RBM20: variants seen among roughly 807,000 people sequenced by gnomAD.
RBM20 encodes the protein RNA-binding protein 20.
A neutral mutation model predicts 110.1 loss-of-function variants in RBM20; 51 were observed. That is an observed-to-expected ratio of 0.46 (90% CI 0.37 to 0.59). RBM20 has a LOEUF of 0.59. RBM20 is among the 20% of genes least tolerant of loss of function. The pLI, the probability that RBM20 is intolerant of heterozygous loss-of-function variation, is 0.00. For missense variants in RBM20, 1,512 were observed against 1,574.9 expected (o/e 0.96, Z 0.68); for synonymous variants, 589 against 618.2 (o/e 0.95, Z 0.70).
At chr10:110,832,762 G>T (rs4294509) in intron 13 of RBM20, among the ~76,000 whole-genome samples, 2 of 152,186 alleles carry the variant, frequency 1.3e-5, no homozygotes, top group Non-Finnish European at 2.9e-5. Context: ...GTGCAGAGAA[G>T]TATCATAGGC....
chr10:110,766,110 GTA>G (rs1491503068), intron 1 of RBM20, among the ~76,000 whole-genome samples: 2 of 149,122 alleles, frequency 1.3e-5, no homozygotes, highest in African/African-American at 4.9e-5. Context: ...GCAGTTTCAA[GTA>G]AAAAAAATCA....
intron 5 of RBM20, among the ~76,000 whole-genome samples, chr10:110,785,528 C>T (rs1269637661): frequency 2.0e-5 from 3 of 152,142 alleles, no homozygotes; most frequent in Admixed American, 6.5e-5. Flanking sequence ...TGCACTCCAG[C>T]GCAGGTGACA....
In RBM20 at chr10:110,746,394, A is replaced by T. The variant is rs12413232; in HGVS notation, c.192-34407A>T. ...ATATTTAATCCACTGTAGAGTGGTT[A>T]TTCTCATTACGAAACATTCTTTATT... On this transcript the variant is annotated intron_variant, in intron 1 of 13. Coordinates refer to ENST00000369519, the MANE Select transcript of RBM20 (RefSeq NM_001134363.3). 9.2e-3 allele frequency among the ~76,000 whole-genome samples: 1,402 copies of T among 152,334 alleles called. 50 individuals carry two copies. The highest frequency in any genetic ancestry group is 0.059 in the Admixed American group (906 of 15,296).
intron 1 of RBM20, among the ~76,000 whole-genome samples, chr10:110,734,329 A>G (rs1280226182): frequency 6.6e-6 from 1 of 152,230 alleles, no homozygotes. Flanking sequence ...ATGGAAAATC[A>G]GGTCCACAAA....
At chr10:110,737,577 C>T (rs1042373934) in intron 1 of RBM20, among the ~76,000 whole-genome samples, 5 of 151,402 alleles carry the variant, frequency 3.3e-5, no homozygotes, top group African/African-American at 9.7e-5. Context: ...CAGCCTCTGA[C>T]GATCTTTAAC....
At chr10:110,769,125 T>A (rs1844150458) in intron 1 of RBM20, among the ~76,000 whole-genome samples, 1 of 152,182 alleles carries the variant, frequency 6.6e-6, no homozygotes, top group South Asian at 2.1e-4. Context: ...TATTACAAAT[T>A]CCAGTGCCTG....
At chr10:110,683,435 G>A (rs1390709002) in intron 1 of RBM20, among the ~76,000 whole-genome samples, 1 of 152,226 alleles carries the variant, frequency 6.6e-6, no homozygotes, top group Non-Finnish European at 1.5e-5. Context: ...GAGGAGATTG[G>A]TAATGTTTTC....
intron 1 of RBM20, among the ~76,000 whole-genome samples, chr10:110,693,769 AT>A (rs1482966013): frequency 6.6e-6 from 1 of 152,192 alleles, no homozygotes; most frequent in Non-Finnish European, 1.5e-5. Flanking sequence ...GGGAAATCTC[AT>A]TTGTGTATAA....
At chr10:110,771,811 G>A (rs1360058667) in intron 1 of RBM20, among the ~76,000 whole-genome samples, 3 of 152,222 alleles carry the variant, frequency 2.0e-5, no homozygotes, top group African/African-American at 7.2e-5. Flanking sequence ...CAATGCTTGT[G>A]TGTACATTTT....
At chr10:110,801,270 T>C (rs1389102780) in intron 7 of RBM20, among the ~76,000 whole-genome samples, 2 of 151,814 alleles carry the variant, frequency 1.3e-5, no homozygotes, top group East Asian at 3.9e-4. Context: ...CTACTAAAAA[T>C]ACAAAAATTA....
chr10:110,678,582 G>C (rs1365400263), intron 1 of RBM20, among the ~76,000 whole-genome samples: 2 of 152,172 alleles, frequency 1.3e-5, no homozygotes, highest in Non-Finnish European at 2.9e-5. Flanking sequence ...AAGGCCGGGG[G>C]AGTCTGGGGT....
At position 110,811,975 on chromosome 10, in the gene RBM20, G is replaced by A. The variant is rs115263209; in HGVS notation, c.1881-303G>A. 0.015 allele frequency among the ~76,000 whole-genome samples: 2,225 copies of A among 152,312 alleles called. 43 individuals are homozygous for A. Among genetic ancestry groups the A allele is most frequent in the African/African-American group, 0.048 (2,008 of 41,566 alleles). On this transcript the variant is annotated intron_variant, in intron 8 of 13. Coordinates refer to ENST00000369519, the MANE Select transcript of RBM20 (RefSeq NM_001134363.3). ...CTCCCTGAGCATAGCTCCCTTCCAAGAGAAGGCAAGCTGGAACCGAGCCAA... is the reference window on the plus strand; with the variant it reads ...CTCCCTGAGCATAGCTCCCTTCCAAAAGAAGGCAAGCTGGAACCGAGCCAA...
intron 1 of RBM20, among the ~76,000 whole-genome samples, chr10:110,752,315 G>A (rs904427350): frequency 2.6e-5 from 4 of 152,082 alleles, no homozygotes; most frequent in African/African-American, 9.7e-5. Flanking sequence ...TTTCAGACTG[G>A]CCTCTTTCAC....
Position 110,837,521 on chromosome 10 carries a change from CT to C in RBM20, c.*1544del, listed in dbSNP as rs1411684455. On this transcript the variant is annotated 3_prime_UTR_variant, in exon 14 of 14. Coordinates refer to ENST00000369519, the MANE Select transcript of RBM20 (RefSeq NM_001134363.3). ...TAGGCAGTTCCTGTTGTTTCTGTTC[CT>C]GACCTTGGGCAGGCAGACTGAGAAG... 1.3e-5 allele frequency: 2 copies of C among 152,204 alleles called. No homozygotes were observed. The highest frequency in any genetic ancestry group is 3.8e-4 in the East Asian group (2 of 5,202). The allele number at this position is 152,204 out of a possible 1,614,324, so 9.4% of individuals were successfully genotyped here.
chr10:110,727,423 T>TAAAAAAAATAA (rs1564827114), intron 1 of RBM20, among the ~76,000 whole-genome samples: 1 of 113,890 alleles, frequency 8.8e-6, no homozygotes, highest in African/African-American at 3.4e-5. Flanking sequence ...AAAAAAAAAA[T>TAAAAAAAATAA]AAATAAAAAG....
intron 5 of RBM20, among the ~76,000 whole-genome samples, chr10:110,796,640 C>A (rs1286354587): frequency 6.6e-6 from 1 of 152,140 alleles, no homozygotes; most frequent in African/African-American, 2.4e-5. Context: ...ATAGTCCCAG[C>A]TATTCGGGAG....
At chr10:110,708,953 C>T (rs902396191) in intron 1 of RBM20, among the ~76,000 whole-genome samples, 2 of 152,156 alleles carry the variant, frequency 1.3e-5, no homozygotes, top group African/African-American at 2.4e-5. Context: ...CTGGGCCTGG[C>T]GTCCAATTTC....
intron 1 of RBM20, among the ~76,000 whole-genome samples, chr10:110,648,815 T>C (rs751469732): frequency 3.3e-5 from 5 of 152,146 alleles, no homozygotes; most frequent in Non-Finnish European, 5.9e-5. Context: ...TGAGGGTTTG[T>C]TGTGATAAGT....
At chr10:110,726,687 G>T (rs1590638925) in intron 1 of RBM20, among the ~76,000 whole-genome samples, 1 of 152,100 alleles carries the variant, frequency 6.6e-6, no homozygotes, top group East Asian at 1.9e-4. Context: ...CCAGTTGCAG[G>T]TTCAAGGGTC....
Sources: gnomAD v4.1 joint callset for allele counts (sites outside exome capture counted in the v4.1 genomes callset) on GRCh38, gnomAD v4.1.1 for gene constraint, MANE v1.5 for transcripts, NCBI Gene and HGNC (gene_info 2026-07-23, HGNC 2026-07-21) for gene names.